The following ZNF91 variants were observed in gnomAD, a reference collection of about 807,000 sequenced individuals.
ZNF91 encodes the protein zinc finger protein 91.
In ZNF91, 7 loss-of-function variants were observed where a neutral mutation model predicts 12.6. That is an observed-to-expected ratio of 0.55 (90% CI 0.31 to 1.04). ZNF91 has a LOEUF of 1.04. ZNF91 is among the 50% of genes least tolerant of loss of function. The probability of loss-of-function intolerance (pLI) is 0.05; values close to 1 mark genes in which losing one functional copy is unlikely to be tolerated. For missense variants in ZNF91, 1,217 were observed against 1,385.4 expected (o/e 0.88, Z 1.93); for synonymous variants, 453 against 462.6 (o/e 0.98, Z 0.27).
At position 23,374,388 on chromosome 19, in the gene ZNF91, CAAAAAA is replaced by C. The variant is rs34706703; in HGVS notation, c.157+244_157+249del. On this transcript the variant is annotated intron_variant, in intron 2 of 3. Transcript: ENST00000300619. Reference sequence around the variant, plus strand: ...GAAACCCCGTCTCTACTAAAAATACCAAAAAAAAAAAAAAAAAAAAAATTAGCCGGG... The same window carrying C: ...GAAACCCCGTCTCTACTAAAAATACCAAAAAAAAAAAAAAAATTAGCCGGG... 1.2e-4 allele frequency among the ~76,000 whole-genome samples: 11 copies of C among 88,252 alleles called. No homozygotes were observed. In the Admixed American group the frequency reaches 1.3e-3, roughly 10 times the overall value. The allele number at this position is 88,252 out of a possible 152,430, so 57.9% of individuals were successfully genotyped here. A position where few individuals can be genotyped will look rare whatever the true frequency, so the allele number is the denominator to read the frequency against.
chr19:23,340,684 C>A (rs559180236), intron 3 of ZNF91, among the ~76,000 whole-genome samples: 2 of 151,778 alleles, frequency 1.3e-5, no homozygotes, highest in African/African-American at 4.8e-5. Context: ...GTCAGTATCA[C>A]CCTGATACCA....
At chr19:23,320,043 C>A (rs1167208202) in intron 1 of ZNF91, among the ~76,000 whole-genome samples, 1 of 152,182 alleles carries the variant, frequency 6.6e-6, no homozygotes, top group African/African-American at 2.4e-5. Flanking sequence ...TACTGTATTT[C>A]TGGTATGCAC....
intron 1 of ZNF91, chr19:23,327,695 G>C (rs2145866381): frequency 6.6e-6 from 1 of 152,220 alleles, no homozygotes; most frequent in Non-Finnish European, 1.5e-5. Flanking sequence ...ACAGAAAATA[G>C]ATTTTTTTAA....
intron 1 of ZNF91, chr19:23,326,904 T>G (rs1030167636): frequency 1.3e-5 from 2 of 152,240 alleles, no homozygotes; most frequent in African/African-American, 2.4e-5. Context: ...CTGCTTGCAC[T>G]AAAAGCTGTC....
At chr19:23,350,637 G>A (rs1332995112) in intron 3 of ZNF91, among the ~76,000 whole-genome samples, 1 of 152,074 alleles carries the variant, frequency 6.6e-6, no homozygotes, top group East Asian at 1.9e-4. Flanking sequence ...GGGTCTGAAC[G>A]CTTAAGGGAA....
At chr19:23,389,269 T>C (rs1184403735) in intron 1 of ZNF91, among the ~76,000 whole-genome samples, 5 of 152,208 alleles carry the variant, frequency 3.3e-5, no homozygotes, top group African/African-American at 1.2e-4. Context: ...TCTGGGTCCA[T>C]GCAGGCAGAT....
chr19:23,320,232 T>C (rs1339862875), intron 1 of ZNF91, among the ~76,000 whole-genome samples: 2 of 152,174 alleles, frequency 1.3e-5, no homozygotes, highest in African/African-American at 4.8e-5. Context: ...ATGAGTACTC[T>C]TCTATTTAGA....
chr19:23,380,244 G>A (rs1203810385), intron 1 of ZNF91: 1 of 115,366 alleles, frequency 8.7e-6, no homozygotes, highest in Non-Finnish European at 1.6e-5. Flanking sequence ...TCTGGCCTGG[G>A]CAATGGGGGG....
intron 1 of ZNF91, among the ~76,000 whole-genome samples, chr19:23,376,055 T>G (rs925331495): frequency 1.3e-5 from 2 of 152,228 alleles, no homozygotes; most frequent in African/African-American, 4.8e-5. Context: ...AGCTATATCC[T>G]GATAATTTTT....
chr19:23,377,984 G>C lies in ZNF91; in HGVS notation c.31-3220C>G, dbSNP rs145273120. Reference sequence around the variant, plus strand: ...ACTCATTTTTTTAAAAAAATGCATAGAATAAAATCTAAATATAGACAGATG... The same window carrying C: ...ACTCATTTTTTTAAAAAAATGCATACAATAAAATCTAAATATAGACAGATG... On this transcript the variant is annotated intron_variant, in intron 1 of 3. Coordinates refer to ENST00000300619, the MANE Select transcript of ZNF91 (RefSeq NM_003430.4). Among the ~76,000 whole-genome samples the C allele has an allele frequency of 5.3e-3, 799 of 152,052 alleles. 7 individuals carry two copies. The highest frequency in any genetic ancestry group is 0.018 in the African/African-American group (764 of 41,458).
chr19:23,391,707 G>C lies in ZNF91; in HGVS notation c.30+3618C>G, dbSNP rs75865706. 1.1e-4 allele frequency among the ~76,000 whole-genome samples: 16 copies of C among 152,090 alleles called. No homozygotes were observed. In the East Asian group the frequency reaches 1.2e-3, roughly 11 times the overall value. Reference sequence around the variant, plus strand: ...TTAATCTTAACTGCATCTGCGTGTGGGTTGCCAGCTTTCCAGGGCTCTGTA... The same window carrying C: ...TTAATCTTAACTGCATCTGCGTGTGCGTTGCCAGCTTTCCAGGGCTCTGTA... On this transcript the variant is annotated intron_variant, in intron 1 of 3. Transcript: ENST00000300619.
chr19:23,356,517 T>TA (rs1204743681), downstream of ZNF91, among the ~76,000 whole-genome samples: 3 of 152,152 alleles, frequency 2.0e-5, no homozygotes, highest in Non-Finnish European at 2.9e-5. Flanking sequence ...TTCTCACTGA[T>TA]ATGTGGGAGG....
chr19:23,383,970 C>T (rs1455605545), intron 1 of ZNF91, among the ~76,000 whole-genome samples: 7 of 151,862 alleles, frequency 4.6e-5, no homozygotes, highest in Admixed American at 3.3e-4. Context: ...ATTAGCCAAG[C>T]GTGGTGTCAC....
intron 1 of ZNF91, among the ~76,000 whole-genome samples, chr19:23,383,719 C>T (rs2145124338): frequency 6.6e-6 from 1 of 152,134 alleles, no homozygotes; most frequent in East Asian, 1.9e-4. Context: ...AATATTCCTC[C>T]TTGAAAACTG....
At chr19:23,314,983 C>T (rs896642452), upstream of ZNF91, among the ~76,000 whole-genome samples, 5 of 152,182 alleles carry the variant, frequency 3.3e-5, no homozygotes, top group Admixed American at 2.6e-4. Context: ...GTCAGCCCAC[C>T]TATTAGGTTA....
At chr19:23,341,407 T>G (rs1050942961) in intron 3 of ZNF91, among the ~76,000 whole-genome samples, 23 of 152,158 alleles carry the variant, frequency 1.5e-4, no homozygotes, top group African/African-American at 5.6e-4. Flanking sequence ...GAAAAATAGT[T>G]TATTATATGA....
chr19:23,345,860 G>A (rs892252834), intron 3 of ZNF91, among the ~76,000 whole-genome samples: 5 of 151,370 alleles, frequency 3.3e-5, no homozygotes, highest in East Asian at 1.9e-4. Flanking sequence ...CTCCCCCACC[G>A]CCCTCTCCTG....
intron 3 of ZNF91, among the ~76,000 whole-genome samples, chr19:23,341,342 C>T (rs1464121825): frequency 1.3e-5 from 2 of 152,146 alleles, no homozygotes; most frequent in Non-Finnish European, 2.9e-5. Context: ...AGCTACCACG[C>T]CTGGCCAGAA....
chr19:23,363,755 C>T (rs1180129022), intron 3 of ZNF91, among the ~76,000 whole-genome samples: 5 of 151,988 alleles, frequency 3.3e-5, no homozygotes, highest in African/African-American at 9.7e-5. Context: ...ATGAATAATA[C>T]TCACTGATTA....
Sources: allele counts gnomAD v4.1 joint callset (sites outside exome capture counted in the v4.1 genomes callset), GRCh38; gene constraint gnomAD v4.1.1; transcripts MANE v1.5; gene names NCBI Gene and HGNC (gene_info 2026-07-23, HGNC 2026-07-21).